PDZRN3: variants seen among roughly 807,000 people sequenced by gnomAD.
PDZRN3 encodes the protein PDZ domain containing ring finger 3, also known as E3 ubiquitin-protein ligase PDZRN3.
Under a neutral mutation model 85.7 loss-of-function variants are expected in PDZRN3, and 38 were observed. The observed-to-expected ratio is 0.44, with a 90% CI of 0.34 to 0.58. PDZRN3 has a LOEUF of 0.58. Ranked by LOEUF, PDZRN3 falls within the 20% of genes least tolerant of loss-of-function variation. The pLI, the probability that PDZRN3 is intolerant of heterozygous loss-of-function variation, is 0.01. For missense variants in PDZRN3, 1,629 were observed against 1,506.4 expected (o/e 1.08, Z -1.35); for synonymous variants, 759 against 638.0 (o/e 1.19, Z -2.86).
At position 73,590,265 on chromosome 3, in the gene PDZRN3, TC is replaced by T. The variant is rs1438570530; in HGVS notation, c.918+12088del. Among the ~76,000 whole-genome samples, 4 of 76,580 alleles carry T rather than the reference TC, an allele frequency of 5.2e-5. No individual in the cohort carries two copies. The East Asian group carries it at 1.2e-3, about 23-fold the overall frequency. The allele number at this position is 76,580 out of a possible 152,430, so 50.2% of individuals were successfully genotyped here. Reference sequence around the variant, plus strand: ...GCCTGGGTGACAAAGCAAGACTCTGTCTCAAAAAAAAAAAAAAAAAAGAAAG... The same window carrying T: ...GCCTGGGTGACAAAGCAAGACTCTGTTCAAAAAAAAAAAAAAAAAAGAAAG... On this transcript the variant is annotated intron_variant, in intron 3 of 9. Transcript: ENST00000263666.
chr3:73,460,800 T>A (rs1703088076), intron 3 of PDZRN3, among the ~76,000 whole-genome samples: 1 of 152,184 alleles, frequency 6.6e-6, no homozygotes, highest in Non-Finnish European at 1.5e-5. Context: ...TTTTATTTTT[T>A]ATTTTTTTTT....
At chr3:73,511,411 C>A (rs143445833) in intron 3 of PDZRN3, among the ~76,000 whole-genome samples, 2 of 152,176 alleles carry the variant, frequency 1.3e-5, no homozygotes, top group Non-Finnish European at 2.9e-5. Flanking sequence ...CTGGGCCCCC[C>A]GTCTGCATCC....
intron 3 of PDZRN3, among the ~76,000 whole-genome samples, chr3:73,424,315 A>C (rs965386402): frequency 1.4e-5 from 2 of 145,040 alleles, no homozygotes; most frequent in Admixed American, 1.5e-4. Flanking sequence ...GTGGATCACA[A>C]GGTTAGGAGA....
intron 3 of PDZRN3, among the ~76,000 whole-genome samples, chr3:73,451,673 A>G (rs1298032623): frequency 6.6e-6 from 1 of 152,156 alleles, no homozygotes; most frequent in South Asian, 2.1e-4. Context: ...TAGGTAAAAT[A>G]TATTTCCTGC....
chr3:73,544,747 A>G (rs1701383216), intron 3 of PDZRN3, among the ~76,000 whole-genome samples: 1 of 152,120 alleles, frequency 6.6e-6, no homozygotes, highest in Non-Finnish European at 1.5e-5. Flanking sequence ...GCATTTAAAA[A>G]TGCTATAAAA....
chr3:73,497,840 G>A (rs1344965349), intron 3 of PDZRN3, among the ~76,000 whole-genome samples: 1 of 151,860 alleles, frequency 6.6e-6, no homozygotes, highest in African/African-American at 2.4e-5. Flanking sequence ...CGCAGTGATG[G>A]GGACGTAACA....
At chr3:73,417,485 T>C (rs773693082) in intron 3 of PDZRN3, among the ~76,000 whole-genome samples, 4 of 152,234 alleles carry the variant, frequency 2.6e-5, no homozygotes, top group Non-Finnish European at 5.9e-5. Context: ...CTAGTTCACA[T>C]ACAGAATTAA....
At chr3:73,560,172 T>C (rs1272732726) in intron 3 of PDZRN3, among the ~76,000 whole-genome samples, 1 of 152,198 alleles carries the variant, frequency 6.6e-6, no homozygotes, top group South Asian at 2.1e-4. Flanking sequence ...ACCTTTTCCC[T>C]GAAAACCCTC....
intron 3 of PDZRN3, among the ~76,000 whole-genome samples, chr3:73,565,420 AC>A (rs1701925354): frequency 6.6e-6 from 1 of 151,884 alleles, no homozygotes; most frequent in Non-Finnish European, 1.5e-5. Context: ...GCACCACCAT[AC>A]CCGGCCTATA....
chr3:73,608,479 T>G, intron 2 of PDZRN3, 119 bp downstream of exon 2: 1 of 710,998 alleles, frequency 1.4e-6, no homozygotes, highest in South Asian at 1.6e-5. Context: ...AACCCTCTAA[T>G]GACAGAGAGC....
chr3:73,427,754 G>C (rs1702346860), intron 3 of PDZRN3, among the ~76,000 whole-genome samples: 1 of 152,232 alleles, frequency 6.6e-6, no homozygotes, highest in African/African-American at 2.4e-5. Flanking sequence ...AGTTAATCTG[G>C]TAAACACATC....
At chr3:73,513,685 T>A (rs560744002) in intron 3 of PDZRN3, among the ~76,000 whole-genome samples, 18 of 152,204 alleles carry the variant, frequency 1.2e-4, no homozygotes, top group African/African-American at 4.1e-4. Flanking sequence ...TAAAGCTCAT[T>A]CAATTTTCTC....
At chr3:73,603,827 A>G (rs9876036) in intron 2 of PDZRN3, among the ~76,000 whole-genome samples, 22,527 of 151,676 alleles carry the variant, frequency 0.15, 1,770 homozygotes, top group African/African-American at 0.19. Flanking sequence ...GGAAAAATGT[A>G]CATTTCTCAG....
chr3:73,386,847 ACTGT>A (rs10651337), intron 8 of PDZRN3, among the ~76,000 whole-genome samples: 4 of 114,802 alleles, frequency 3.5e-5, no homozygotes, highest in African/African-American at 6.1e-5. Context: ...CCCGTATGCC[ACTGT>A]CTGTCTCTCG....
chr3:73,516,621 T>C (rs570906403), intron 3 of PDZRN3, among the ~76,000 whole-genome samples: 1 of 152,256 alleles, frequency 6.6e-6, no homozygotes, highest in Non-Finnish European at 1.5e-5. Flanking sequence ...AATTTTTATA[T>C]AGTCAAATGA....
At chr3:73,416,548 C>T (rs768432053) in intron 3 of PDZRN3, among the ~76,000 whole-genome samples, 1 of 152,020 alleles carries the variant, frequency 6.6e-6, no homozygotes, top group Non-Finnish European at 1.5e-5. Flanking sequence ...CTATTCTTAC[C>T]CTAACCTGGG....
At chr3:73,459,313 C>A (rs1703054320) in intron 3 of PDZRN3, among the ~76,000 whole-genome samples, 1 of 152,136 alleles carries the variant, frequency 6.6e-6, no homozygotes, top group Non-Finnish European at 1.5e-5. Flanking sequence ...CACAGCCAAA[C>A]CATATCATGA....
intron 3 of PDZRN3, among the ~76,000 whole-genome samples, chr3:73,440,471 T>C (rs537937214): frequency 2.6e-5 from 4 of 152,308 alleles, no homozygotes; most frequent in African/African-American, 9.6e-5. Flanking sequence ...TTGATGCGCC[T>C]TGATGTCACA....
chr3:73,411,763 C>T (rs537017974), intron 3 of PDZRN3, among the ~76,000 whole-genome samples: 1 of 152,320 alleles, frequency 6.6e-6, no homozygotes, highest in Admixed American at 6.5e-5. Context: ...ATGAAAGTCG[C>T]TATCAGCCAC....
Sources: gnomAD v4.1 joint callset for allele counts (sites outside exome capture counted in the v4.1 genomes callset) on GRCh38, gnomAD v4.1.1 for gene constraint, MANE v1.5 for transcripts, NCBI Gene and HGNC (gene_info 2026-07-23, HGNC 2026-07-21) for gene names.